The following GTF2IRD1 variants were observed in gnomAD, a reference collection of about 807,000 sequenced individuals.
GTF2IRD1 encodes general transcription factor II-I repeat domain-containing protein 1.
Under a neutral mutation model 113.2 loss-of-function variants are expected in GTF2IRD1, and 26 were observed. The ratio of observed to expected loss-of-function variants is 0.23; its 90% CI spans 0.17 to 0.32. The LOEUF is 0.32. Ranked by LOEUF, GTF2IRD1 falls within the 10% of genes least tolerant of loss-of-function variation. The pLI, the probability that GTF2IRD1 is intolerant of heterozygous loss-of-function variation, is 1.00. For missense variants in GTF2IRD1, 864 were observed against 1,280.8 expected (o/e 0.67, Z 4.97); for synonymous variants, 484 against 529.1 (o/e 0.91, Z 1.17).
At chr7:74,526,781 GGCT>G (rs1197933401) in intron 8 of GTF2IRD1, among the ~76,000 whole-genome samples, 1 of 152,072 alleles carries the variant, frequency 6.6e-6, no homozygotes, top group African/African-American at 2.4e-5. Context: ...GGCTGGGGGT[GGCT>G]GCTGATGTGG....
intron 8 of GTF2IRD1, 21 bp downstream of exon 8, chr7:74,524,175 G>A (rs376724150): frequency 5.9e-5 from 90 of 1,537,918 alleles, no homozygotes; most frequent in Non-Finnish European, 6.6e-5. Context: ...GGCGCGGCCC[G>A]CCGTGTGGCC....
intron 1 of GTF2IRD1, among the ~76,000 whole-genome samples, chr7:74,468,007 T>A (rs2116970421): frequency 6.6e-6 from 1 of 152,238 alleles, no homozygotes; most frequent in South Asian, 2.1e-4. Flanking sequence ...GTATGTGACA[T>A]TCCTGAGGCC....
At chr7:74,553,722 G>A (rs1554355788) in intron 17 of GTF2IRD1, among the ~76,000 whole-genome samples, 1 of 152,152 alleles carries the variant, frequency 6.6e-6, no homozygotes, top group African/African-American at 2.4e-5. Flanking sequence ...CTGTGGCCTT[G>A]GCAGCCGGCT....
intron 9 of GTF2IRD1, among the ~76,000 whole-genome samples, chr7:74,533,573 C>T (rs1177181955): frequency 1.3e-5 from 2 of 152,170 alleles, no homozygotes; most frequent in African/African-American, 4.8e-5. Flanking sequence ...GGGTAGAGGC[C>T]AGGTGCCTGA....
At chr7:74,491,506 G>A (rs189936900) in intron 1 of GTF2IRD1, among the ~76,000 whole-genome samples, 133 of 137,788 alleles carry the variant, frequency 9.7e-4, no homozygotes, top group Non-Finnish European at 1.8e-3. Flanking sequence ...AGGCCCCAGT[G>A]TGTGTTGCCC....
At chr7:74,531,481 C>T (rs1340639003) in intron 9 of GTF2IRD1, among the ~76,000 whole-genome samples, 2 of 152,186 alleles carry the variant, frequency 1.3e-5, no homozygotes, top group African/African-American at 2.4e-5. Context: ...ACAGTGGCTA[C>T]AGCTTCAGAG....
intron 14 of GTF2IRD1, among the ~76,000 whole-genome samples, chr7:74,542,823 C>T (rs1764747109): frequency 6.6e-6 from 1 of 152,230 alleles, no homozygotes; most frequent in Non-Finnish European, 1.5e-5. Flanking sequence ...CACTCACAGC[C>T]AGAGGCTGGG....
At chr7:74,591,094 T>G (rs1458962654) in intron 24 of GTF2IRD1, 77 bp downstream of exon 24, 1 of 978,370 alleles carries the variant, frequency 1.0e-6, no homozygotes, top group Non-Finnish European at 1.6e-6. Flanking sequence ...TCACGGTGGG[T>G]CAGCTGGGAT....
At chr7:74,510,515 G>A (rs1554342626) in intron 2 of GTF2IRD1, among the ~76,000 whole-genome samples, 1 of 151,256 alleles carries the variant, frequency 6.6e-6, no homozygotes, top group African/African-American at 2.4e-5. Context: ...CACCATGTTG[G>A]CCAGGCTGGT....
rs1269138238 is a variant in GTF2IRD1, at chr7:74,555,027, T to TG, written c.1917-143dup. 13 of 670,638 alleles carry TG rather than the reference T, an allele frequency of 1.9e-5. No homozygotes were observed. In the East Asian group the frequency reaches 3.0e-4, roughly 16 times the overall value. The allele number at this position is 670,638 out of a possible 1,614,324, so 41.5% of individuals were successfully genotyped here. A position where few individuals can be genotyped will look rare whatever the true frequency, so the allele number is the denominator to read the frequency against. On this transcript the variant is annotated intron_variant, in intron 17 of 26. Coordinates refer to ENST00000424337, the MANE Select transcript of GTF2IRD1 (RefSeq NM_005685.4). The surrounding 1 kb of genome is among the most constrained non-coding windows in gnomAD (Gnocchi z 5.3). ...AGCGCAGCCCCCCAGATTCCACATGTGGGGCGGCAGGGACTCCAGGCCTGA... is the reference window on the plus strand; with the variant it reads ...AGCGCAGCCCCCCAGATTCCACATGTGGGGGCGGCAGGGACTCCAGGCCTGA...
At chr7:74,468,681 T>TGTGG (rs1793894326) in intron 1 of GTF2IRD1, among the ~76,000 whole-genome samples, 1 of 31,508 alleles carries the variant, frequency 3.2e-5, no homozygotes, top group Non-Finnish European at 9.1e-5. Context: ...AAAAACTGTG[T>TGTGG]GTGTGTGTGT....
intron 22 of GTF2IRD1, 129 bp from the exon 23 acceptor site, chr7:74,589,722 A>C: frequency 6.9e-6 from 4 of 581,088 alleles, no homozygotes; most frequent in South Asian, 3.9e-5. Flanking sequence ...AAAAACAGCT[A>C]TATAGGAGTG....
chr7:74,581,976 C>T (rs1801445248), intron 22 of GTF2IRD1, among the ~76,000 whole-genome samples: 1 of 152,168 alleles, frequency 6.6e-6, no homozygotes, highest in Non-Finnish European at 1.5e-5. Context: ...CACTGCGCTC[C>T]AGCCTGGGCA....
intron 1 of GTF2IRD1, among the ~76,000 whole-genome samples, chr7:74,501,354 G>C (rs962989359): frequency 6.6e-6 from 1 of 152,204 alleles, no homozygotes; most frequent in Non-Finnish European, 1.5e-5. Flanking sequence ...CTTGTGGTGG[G>C]GTCTTCAGGT....
At position 74,524,123 on chromosome 7, in the gene GTF2IRD1, G is replaced by A. The variant is rs376252496; in HGVS notation, c.1059G>A (p.Glu353=). The change falls in exon 8 of 27, where the codon GAG becomes GAA. Residue 353 remains glutamate (E), a synonymous_variant. Coordinates refer to ENST00000424337, the MANE Select transcript of GTF2IRD1 (RefSeq NM_005685.4). ...KETEDINTLR[E]CVQILFNSRY... ...CCGAGGACATCAACACGCTCCGGGA[G>A]TGTGTGCAGATCCTGTTTAACAGCA... is the stretch of plus-strand genomic sequence containing the variant. 47 of 1,612,962 alleles carry A rather than the reference G, an allele frequency of 2.9e-5. No individual in the cohort carries two copies. Among genetic ancestry groups the A allele is most frequent in the Non-Finnish European group, 4.0e-5 (47 of 1,179,482 alleles).
At chr7:74,525,803 A>G (rs1797563032) in intron 8 of GTF2IRD1, among the ~76,000 whole-genome samples, 1 of 152,174 alleles carries the variant, frequency 6.6e-6, no homozygotes, top group South Asian at 2.1e-4. Flanking sequence ...AAAAGAAAAA[A>G]AAAAGAAGGG....
chr7:74,536,090 C>G, intron 10 of GTF2IRD1, 77 bp from the exon 11 acceptor site: 2 of 928,582 alleles, frequency 2.2e-6, no homozygotes, highest in Non-Finnish European at 3.5e-6. Flanking sequence ...GCTTCACACA[C>G]AGACCTTTAC....
chr7:74,586,259 G>A (rs1801711150), intron 22 of GTF2IRD1, among the ~76,000 whole-genome samples: 1 of 152,166 alleles, frequency 6.6e-6, no homozygotes, highest in African/African-American at 2.4e-5. Flanking sequence ...CTCCATCACT[G>A]TTGTCTGCAT....
chr7:74,588,696 ATC>A (rs1466795206), intron 22 of GTF2IRD1, among the ~76,000 whole-genome samples: 3 of 151,160 alleles, frequency 2.0e-5, no homozygotes, highest in East Asian at 4.0e-4. Flanking sequence ...TGCCCAGCTA[ATC>A]TTTTTGTATT....
Sources: gnomAD v4.1 joint callset for allele counts (sites outside exome capture counted in the v4.1 genomes callset) on GRCh38, gnomAD v4.1.1 for gene constraint, Gnocchi (gnomAD v3.1) non-coding constraint, MANE v1.5 for transcripts, NCBI Gene and HGNC (gene_info 2026-07-23, HGNC 2026-07-21) for gene names.